Variants in DAO observed in about 807,000 individuals in gnomAD.
The protein encoded by DAO is D-amino-acid oxidase.
In DAO, 51 loss-of-function variants were observed where a neutral mutation model predicts 50.1. That is an observed-to-expected ratio of 1.02 (90% CI 0.81 to 1.29). The LOEUF is 1.29. Among genes scored for constraint, DAO ranks in the 50% most tolerant of loss-of-function variants. The pLI is 0.00. For missense variants in DAO, 436 were observed against 439.4 expected (o/e 0.99, Z 0.07); for synonymous variants, 160 against 166.2 (o/e 0.96, Z 0.29).
chr12:108,897,765 T>G (rs960455826), intron 8 of DAO, among the ~76,000 whole-genome samples: 1 of 151,906 alleles, frequency 6.6e-6, no homozygotes, highest in Non-Finnish European at 1.5e-5. Flanking sequence ...TTGGGCAACA[T>G]GGCAAGACCC....
intron 3 of DAO, 105 bp downstream of exon 3, chr12:108,887,669 T>G (rs2039449807): frequency 1.2e-6 from 1 of 821,336 alleles, no homozygotes; most frequent in Non-Finnish European, 2.2e-6. Flanking sequence ...GTGCTTTGAG[T>G]CTCGTAGGCA....
In DAO at chr12:108,900,692, G is replaced by A. The variant is rs2039613483; in HGVS notation, c.*157G>A. ...CCACAAAGTCAGTGCCTGGAGAAGG[G>A]TTCAGCCCAACATGGGGCCCCTCTC... is the stretch of plus-strand genomic sequence containing the variant. On this transcript the variant is annotated 3_prime_UTR_variant, in exon 11 of 11. Transcript: ENST00000228476. The A allele has an allele frequency of 8.9e-7, 1 of 1,124,896 alleles. No homozygotes were observed. The highest frequency in any genetic ancestry group is 1.5e-5 in the South Asian group (1 of 68,320). The allele number at this position is 1,124,896 out of a possible 1,614,324, so 69.7% of individuals were successfully genotyped here. A position where few individuals can be genotyped will look rare whatever the true frequency, so the allele number is the denominator to read the frequency against.
At chr12:108,884,793 G>T (rs778518278) in intron 1 of DAO, among the ~76,000 whole-genome samples, 3 of 152,018 alleles carry the variant, frequency 2.0e-5, no homozygotes, top group African/African-American at 4.8e-5. Context: ...GCCAAGTCTC[G>T]GTCACTTCTC....
chr12:108,881,887 T>A (rs2039385899), intron 1 of DAO, among the ~76,000 whole-genome samples: 1 of 152,154 alleles, frequency 6.6e-6, no homozygotes, highest in Non-Finnish European at 1.5e-5. Context: ...ATTAAAGACG[T>A]GAGCCACTGT....
At chr12:108,892,545 T>C (rs2039503082) in intron 5 of DAO, among the ~76,000 whole-genome samples, 1 of 152,130 alleles carries the variant, frequency 6.6e-6, no homozygotes, top group African/African-American at 2.4e-5. Flanking sequence ...TCAGCCCACC[T>C]CCCTCCTCAT....
chr12:108,885,811 A>G (rs1432628627), intron 2 of DAO, among the ~76,000 whole-genome samples: 2 of 152,036 alleles, frequency 1.3e-5, no homozygotes, highest in African/African-American at 4.8e-5. Flanking sequence ...CTGGAGTGCA[A>G]TGGCGTGATC....
intron 5 of DAO, among the ~76,000 whole-genome samples, chr12:108,891,173 G>T (rs2137351847): frequency 6.6e-6 from 1 of 152,158 alleles, no homozygotes; most frequent in East Asian, 1.9e-4. Context: ...TTTAGGCCAG[G>T]CATGGTGGTT....
chr12:108,894,478 C>T (rs979967663), intron 7 of DAO, 111 bp downstream of exon 7: 1 of 913,102 alleles, frequency 1.1e-6, no homozygotes, highest in Non-Finnish European at 1.7e-6. Context: ...AGAGGAACCC[C>T]CCGGACTGCA....
intron 10 of DAO, 181 bp downstream of exon 10, chr12:108,899,656 A>T (rs982445945): frequency 3.1e-5 from 21 of 669,068 alleles, no homozygotes; most frequent in Non-Finnish European, 1.1e-5. Context: ...ATGGTTAAGG[A>T]CCTGCTCAAG....
chr12:108,899,715 A>C (rs1314229588), intron 10 of DAO: 1 of 550,900 alleles, frequency 1.8e-6, no homozygotes, highest in Admixed American at 3.0e-5. Flanking sequence ...TGCTGATGAG[A>C]TCAATGTTGA....
chr12:108,894,559 G>A (rs1424960513), intron 7 of DAO, among the ~76,000 whole-genome samples, 192 bp downstream of exon 7: 2 of 152,080 alleles, frequency 1.3e-5, no homozygotes, highest in Non-Finnish European at 2.9e-5. Flanking sequence ...CCTCTTGATC[G>A]TGAAGCATGC....
intron 1 of DAO, among the ~76,000 whole-genome samples, chr12:108,883,103 A>T (rs2137337418): frequency 6.6e-6 from 1 of 152,252 alleles, no homozygotes; most frequent in East Asian, 1.9e-4. Flanking sequence ...CCAAGGTCGC[A>T]CAGCAAGGCA....
At chr12:108,894,191 G>C in intron 6 of DAO, 72 bp from the exon 7 acceptor site, 1 of 1,152,440 alleles carries the variant, frequency 8.7e-7, no homozygotes. Context: ...TAGAAGAAAG[G>C]GGAAGAGAGA....
In DAO at chr12:108,900,077, A is replaced by T. The variant is rs549113429; in HGVS notation, c.913-327A>T. The T allele has an allele frequency of 7.4e-4, 272 of 369,890 alleles. 1 individual carries two copies. The highest frequency in any genetic ancestry group is 1.5e-3 in the South Asian group (66 of 44,314). The allele number at this position is 369,890 out of a possible 1,614,324, so 22.9% of individuals were successfully genotyped here. A position where few individuals can be genotyped will look rare whatever the true frequency, so the allele number is the denominator to read the frequency against. ...CTTTGGGATAGGGACAGTTCTCCCT[A>T]TGCTTCGGATGAGGAAACTGGGGTG... is the stretch of plus-strand genomic sequence containing the variant. On this transcript the variant is annotated intron_variant, in intron 10 of 10. Coordinates refer to ENST00000228476, the MANE Select transcript of DAO (RefSeq NM_001917.5).
At chr12:108,896,034 TA>T (rs71079505) in intron 7 of DAO, among the ~76,000 whole-genome samples, 31 of 147,020 alleles carry the variant, frequency 2.1e-4, no homozygotes, top group South Asian at 6.4e-4. Context: ...ACATTTTCTT[TA>T]AAAAAAAAAA....
chr12:108,900,118 T>C (rs1052435715), intron 10 of DAO: 3 of 410,338 alleles, frequency 7.3e-6, no homozygotes, highest in African/African-American at 4.1e-5. Context: ...AGAGGTGAAG[T>C]CACTTGCCCA....
At chr12:108,882,234 C>T (rs576556200) in intron 1 of DAO, among the ~76,000 whole-genome samples, 3 of 152,262 alleles carry the variant, frequency 2.0e-5, no homozygotes, top group East Asian at 3.9e-4. Context: ...TAGATGAGGT[C>T]GGGCATGGTG....
chr12:108,892,367 C>T (rs1012512203), intron 5 of DAO, among the ~76,000 whole-genome samples: 10 of 151,630 alleles, frequency 6.6e-5, no homozygotes, highest in Admixed American at 3.9e-4. Context: ...GGGGTTTCAC[C>T]GTCTTAGCCA....
At chr12:108,881,601 A>ATTTTTCTT (rs1566033319) in intron 1 of DAO, among the ~76,000 whole-genome samples, 1 of 99,208 alleles carries the variant, frequency 1.0e-5, no homozygotes, top group Non-Finnish European at 1.9e-5. Flanking sequence ...TTCCTTTTAA[A>ATTTTTCTT]TTTTTTTTTT....
Sources: allele counts gnomAD v4.1 joint callset (sites outside exome capture counted in the v4.1 genomes callset), GRCh38; gene constraint gnomAD v4.1.1; transcripts MANE v1.5; gene names NCBI Gene and HGNC (gene_info 2026-07-23, HGNC 2026-07-21).